CAST: variants seen among roughly 807,000 people sequenced by gnomAD.
The protein encoded by CAST is calpastatin.
CAST carries 76 observed loss-of-function variants against 119.6 expected under a neutral mutation model. The ratio of observed to expected loss-of-function variants is 0.64; its 90% CI spans 0.53 to 0.77. The LOEUF (loss-of-function observed/expected upper bound fraction) is 0.77. Among genes scored for constraint, CAST ranks in the 30% least tolerant of loss-of-function variants. The pLI is 0.00. For missense variants in CAST, 953 were observed against 946.5 expected (o/e 1.01, Z -0.09); for synonymous variants, 319 against 331.6 (o/e 0.96, Z 0.41).
the CAST span, among the ~76,000 whole-genome samples, chr5:96,411,455 T>G: frequency 6.6e-6 from 1 of 152,228 alleles, no homozygotes; most frequent in Non-Finnish European, 1.5e-5. Context: ...AAAGCCGCCC[T>G]TTCTATGATT....
chr5:96,043,874 G>C, the CAST span, among the ~76,000 whole-genome samples: 15 of 152,222 alleles, frequency 9.9e-5, no homozygotes, highest in Middle Eastern at 3.4e-3. Context: ...TGTCAGAATG[G>C]GAGAAGAGAA....
upstream of CAST, among the ~76,000 whole-genome samples, chr5:96,529,328 T>G (rs1745649223): frequency 6.6e-6 from 1 of 152,076 alleles, no homozygotes; most frequent in South Asian, 2.1e-4. Flanking sequence ...GTACTCATAT[T>G]GTTTTCTGGT....
chr5:96,435,603 G>A, the CAST span, among the ~76,000 whole-genome samples: 2 of 152,252 alleles, frequency 1.3e-5, no homozygotes, highest in African/African-American at 2.4e-5. Context: ...ATTATAAATT[G>A]GAAGAGCCAA....
chr5:96,397,268 A>G, the CAST span: 2 of 1,383,522 alleles, frequency 1.4e-6, no homozygotes, highest in East Asian at 4.6e-5. Context: ...TGATGAAATC[A>G]ACCTTAAAAG....
the CAST span, chr5:95,961,711 C>A: frequency 1.2e-6 from 2 of 1,605,736 alleles, no homozygotes; most frequent in Non-Finnish European, 1.7e-6. Context: ...CCCTGTCCCC[C>A]CCGCCGCCAT....
chr5:96,139,160 C>G, the CAST span, among the ~76,000 whole-genome samples: 4 of 151,900 alleles, frequency 2.6e-5, no homozygotes, highest in Admixed American at 2.0e-4. Flanking sequence ...TATAATTTCT[C>G]TTTATATTTT....
chr5:96,212,608 G>T, the CAST span, among the ~76,000 whole-genome samples: 1 of 152,160 alleles, frequency 6.6e-6, no homozygotes, highest in East Asian at 1.9e-4. Context: ...TTGGTTGATA[G>T]TGTTGTTGAG....
chr5:96,173,739 C>CT, the CAST span, among the ~76,000 whole-genome samples: 580 of 111,508 alleles, frequency 5.2e-3, 4 homozygotes, highest in Non-Finnish European at 7.3e-3. Flanking sequence ...GATAAATGAA[C>CT]TTTTTTTTTT....
intron 1 of CAST, among the ~76,000 whole-genome samples, chr5:96,650,381 G>C (rs1451648429): frequency 6.6e-6 from 1 of 152,154 alleles, no homozygotes; most frequent in African/African-American, 2.4e-5. Flanking sequence ...GAGCTGCTGG[G>C]CCTGCAACAG....
the CAST span, among the ~76,000 whole-genome samples, chr5:96,102,575 C>T: frequency 1.4e-4 from 21 of 152,262 alleles, no homozygotes; most frequent in Non-Finnish European, 2.8e-4. Context: ...AATTTTGGCT[C>T]GAAGGTGGAG....
At chr5:96,410,857 C>T in the CAST span, 1 of 1,614,104 alleles carries the variant, frequency 6.2e-7, no homozygotes. Context: ...GGGGATAGGC[C>T]TTGCTGGGAG....
chr5:96,020,635 G>T, the CAST span, among the ~76,000 whole-genome samples: 1 of 152,160 alleles, frequency 6.6e-6, no homozygotes, highest in Non-Finnish European at 1.5e-5. Flanking sequence ...AATGCTTGAT[G>T]ATCTGTCACT....
chr5:96,343,104 A>C, the CAST span, among the ~76,000 whole-genome samples: 77 of 152,330 alleles, frequency 5.1e-4, no homozygotes, highest in South Asian at 2.1e-3. Context: ...TTAAAATAGC[A>C]ACATGTACAA....
At chr5:96,378,170 G>A in the CAST span, among the ~76,000 whole-genome samples, 1 of 152,092 alleles carries the variant, frequency 6.6e-6, no homozygotes, top group Admixed American at 6.5e-5. Context: ...GGGGAAAGTG[G>A]GAAGGAGAAA....
chr5:96,401,086 CAAAAAAAAAAAAA>C, the CAST span, among the ~76,000 whole-genome samples: 15 of 70,576 alleles, frequency 2.1e-4, no homozygotes, highest in Middle Eastern at 0.012. Flanking sequence ...GACTCCGTCT[CAAAAAAAAAAAAA>C]AAAAAAAAAA....
At chr5:96,209,593 T>C in the CAST span, among the ~76,000 whole-genome samples, 1 of 152,042 alleles carries the variant, frequency 6.6e-6, no homozygotes, top group African/African-American at 2.4e-5. Context: ...TGGCTGGATA[T>C]GAAATTTTTT....
rs61744247 is a variant in CAST, at chr5:96,762,275, A to G, written c.1835A>G (p.Lys612Arg). The change falls in exon 25 of 32, where the codon AAA becomes AGA. Residue 612 changes from lysine to arginine, a missense_variant and splice_region_variant. Transcript: ENST00000675179. Reference protein sequence around the residue: ...FSGPQNASSLKFEDAKLAAAI... With the variant: ...FSGPQNASSLRFEDAKLAAAI... ...TAATAAAATTTTTTTCAATAAAAGA[A>G]ATTTGAAGATGCTAAACTTGCTGCT... 1.3e-3 allele frequency: 2,144 copies of G among 1,600,692 alleles called. 24 individuals are homozygous for G. In the African/African-American group the frequency reaches 0.021, roughly 15 times the overall value.
the CAST span, among the ~76,000 whole-genome samples, chr5:96,260,263 C>A: frequency 6.6e-6 from 1 of 152,104 alleles, no homozygotes; most frequent in Non-Finnish European, 1.5e-5. Context: ...TCTCTAAAAC[C>A]GGAGAGCAAG....
chr5:96,415,406 A>T, the CAST span, among the ~76,000 whole-genome samples: 1 of 152,126 alleles, frequency 6.6e-6, no homozygotes, highest in Non-Finnish European at 1.5e-5. Context: ...TTGCTCCTTG[A>T]GGCTAAAGGT....
Sources: allele counts gnomAD v4.1 joint callset (sites outside exome capture counted in the v4.1 genomes callset), GRCh38; gene constraint gnomAD v4.1.1; transcripts MANE v1.5; gene names NCBI Gene and HGNC (gene_info 2026-07-23, HGNC 2026-07-21).